PRUNE2: variants seen among roughly 807,000 people sequenced by gnomAD.
The protein encoded by PRUNE2 is protein prune homolog 2.
A neutral mutation model predicts 252.0 loss-of-function variants in PRUNE2; 164 were observed. The ratio of observed to expected loss-of-function variants is 0.65; its 90% confidence interval spans 0.57 to 0.74. PRUNE2 has a LOEUF of 0.74. Among genes scored for constraint, PRUNE2 ranks in the 30% least tolerant of loss-of-function variants. The pLI is 0.00. For synonymous variants in PRUNE2, 1,292 were observed against 1,350.2 expected, an observed-to-expected ratio of 0.96 and a Z score of 0.94; for missense variants, 3,495 against 3,711.0, an observed-to-expected ratio of 0.94 and a Z score of 1.51.
At chr9:76,890,683 T>C (rs1314994811) in intron 1 of PRUNE2, among the ~76,000 whole-genome samples, 2 of 152,136 alleles carry the variant, frequency 1.3e-5, no homozygotes, top group Non-Finnish European at 2.9e-5. Context: ...CCTCGGCATA[T>C]ACCGAAGCCT....
At chr9:76,847,964 G>A (rs1314489962) in intron 3 of PRUNE2, among the ~76,000 whole-genome samples, 1 of 151,928 alleles carries the variant, frequency 6.6e-6, no homozygotes, top group Non-Finnish European at 1.5e-5. Flanking sequence ...GTATTTGCTG[G>A]TTTCAAAAAG....
chr9:76,708,811 C>T lies in PRUNE2; in HGVS notation c.3463G>A (p.Gly1155Arg). The change falls in exon 8 of 19, where the codon GGA becomes AGA. Residue 1155 changes from glycine (G) to arginine (R), a missense_variant. Physicochemically the swap from Gly to Arg is moderately radical, Grantham distance 125. Coordinates refer to ENST00000376718, the MANE Select transcript of PRUNE2 (RefSeq NM_015225.3). ...AAIPSDGQTE[G>R]YMAEGSEPET... Reference sequence around the variant, plus strand: ...GGCTCGGAACCTTCAGCCATGTATCCTTCTGTTTGACCATCACTGGGGATT... The same window carrying T: ...GGCTCGGAACCTTCAGCCATGTATCTTTCTGTTTGACCATCACTGGGGATT... 5 of 1,613,888 alleles carry T rather than the reference C, an allele frequency of 3.1e-6. No individual in the cohort carries two copies. Among genetic ancestry groups the T allele is most frequent in the South Asian group, 1.1e-5 (1 of 91,076 alleles).
At chr9:76,704,141 T>C (rs1333438843) in intron 8 of PRUNE2, 42 bp from the exon 9 acceptor site, 2 of 1,368,560 alleles carry the variant, frequency 1.5e-6, no homozygotes, top group Non-Finnish European at 2.0e-6. Flanking sequence ...GAAAAAGGTT[T>C]AATTAACACA....
intron 4 of PRUNE2, among the ~76,000 whole-genome samples, chr9:76,837,872 C>G (rs576780193): frequency 6.6e-6 from 1 of 150,928 alleles, no homozygotes; most frequent in Admixed American, 6.6e-5. Flanking sequence ...CCTGGGTTCA[C>G]GCCATTCTCC....
rs375315668 is a variant in PRUNE2 at position 76,709,858 on chromosome 9, C to T, written c.2416G>A (p.Glu806Lys). Residue 806 changes from glutamate (E) to lysine (K), a missense_variant, in exon 8 of 19, where the codon GAA becomes AAA. Physicochemically the swap from Glu to Lys is moderately conservative, Grantham distance 56 (BLOSUM62 1). Coordinates refer to ENST00000376718, the MANE Select transcript of PRUNE2 (RefSeq NM_015225.3). ...PFPAWSAFGKEDHDEALKNTW... is the reference protein window; with the variant it reads ...PFPAWSAFGKKDHDEALKNTW... ...TTTTTTAAAGCTTCATCATGATCTTCTTTACCAAATGCACTCCAGGCTGGG... is the reference window on the plus strand; with the variant it reads ...TTTTTTAAAGCTTCATCATGATCTTTTTTACCAAATGCACTCCAGGCTGGG... 258 of 1,613,792 alleles carry T rather than the reference C, an allele frequency of 1.6e-4. 2 individuals carry two copies. The highest frequency in any genetic ancestry group is 1.2e-3 in the Middle Eastern group (7 of 6,084).
intron 1 of PRUNE2, among the ~76,000 whole-genome samples, chr9:76,902,359 C>G (rs1478025168): frequency 2.6e-5 from 4 of 152,142 alleles, no homozygotes; most frequent in African/African-American, 7.2e-5. Flanking sequence ...GAAAGCATGG[C>G]TAAAACTTAA....
chr9:76,843,499 A>C (rs1011703444), intron 4 of PRUNE2, among the ~76,000 whole-genome samples: 2 of 152,204 alleles, frequency 1.3e-5, no homozygotes, highest in African/African-American at 4.8e-5. Flanking sequence ...AATGTGCATC[A>C]AAGTGATGAT....
In PRUNE2 at chr9:76,647,996, A is replaced by G. The variant is rs1012680815; in HGVS notation, c.8558-3087T>C. Among the ~76,000 whole-genome samples the G allele has an allele frequency of 1.2e-4, 18 of 151,032 alleles. No homozygotes were observed. The Middle Eastern group carries it at 0.014, about 114-fold the overall frequency. ...ACAACAACAACAAAAACTCAACAAT[A>G]AGAAAATGGGCAAAAGACCTGGACA... On this transcript the variant is annotated intron_variant, in intron 11 of 18. Coordinates refer to ENST00000376718, the MANE Select transcript of PRUNE2 (RefSeq NM_015225.3).
chr9:76,722,320 T>C (rs887426048), intron 6 of PRUNE2, among the ~76,000 whole-genome samples: 3 of 151,618 alleles, frequency 2.0e-5, no homozygotes, highest in African/African-American at 7.3e-5. Flanking sequence ...TCCTCCTGTC[T>C]CAGCCTCCCA....
intron 9 of PRUNE2, among the ~76,000 whole-genome samples, chr9:76,684,292 A>G (rs2043827860): frequency 6.6e-6 from 1 of 152,026 alleles, no homozygotes; most frequent in South Asian, 2.1e-4. Context: ...TACATCTACG[A>G]GTCTGAGGCT....
At chr9:76,772,533 G>C (rs2053227425) in intron 6 of PRUNE2, among the ~76,000 whole-genome samples, 1 of 152,040 alleles carries the variant, frequency 6.6e-6, no homozygotes, top group African/African-American at 2.4e-5. Flanking sequence ...CCATGGACAA[G>C]GTTAACTGCA....
intron 6 of PRUNE2, among the ~76,000 whole-genome samples, chr9:76,822,993 C>A (rs998074244): frequency 3.9e-5 from 6 of 152,142 alleles, no homozygotes; most frequent in Non-Finnish European, 8.8e-5. Context: ...CACAAATGTG[C>A]CTCTGTAAAA....
chr9:76,630,700 A>AT (rs953695150), intron 15 of PRUNE2, among the ~76,000 whole-genome samples: 11 of 151,726 alleles, frequency 7.2e-5, no homozygotes, highest in African/African-American at 2.2e-4. Context: ...AATTTTTTGT[A>AT]TTTTTTTAGT....
At chr9:76,782,622 G>A (rs969022180) in intron 6 of PRUNE2, 2 of 152,198 alleles carry the variant, frequency 1.3e-5, no homozygotes, top group Non-Finnish European at 2.9e-5. Context: ...AAATTTTGGA[G>A]TTATAAGCGC....
At chr9:76,667,343 A>G (rs1588371616) in intron 9 of PRUNE2, among the ~76,000 whole-genome samples, 1 of 152,240 alleles carries the variant, frequency 6.6e-6, no homozygotes, top group South Asian at 2.1e-4. Context: ...ATTGGAGACA[A>G]TCTTCAATGC....
chr9:76,718,760 AT>A (rs1229390431), intron 6 of PRUNE2, among the ~76,000 whole-genome samples: 2 of 152,248 alleles, frequency 1.3e-5, no homozygotes, highest in East Asian at 3.9e-4. Flanking sequence ...CAGAATCTAC[AT>A]GCACATGAGA....
intron 6 of PRUNE2, among the ~76,000 whole-genome samples, chr9:76,756,517 C>A (rs546465950): frequency 1.3e-5 from 2 of 152,366 alleles, no homozygotes; most frequent in South Asian, 2.1e-4. Context: ...TCCATCCTAA[C>A]ATTTGAATGC....
chr9:76,779,066 A>T (rs1487171844), intron 6 of PRUNE2: 1 of 152,236 alleles, frequency 6.6e-6, no homozygotes, highest in Non-Finnish European at 1.5e-5. Context: ...CTTTGAAGAT[A>T]CTATGTTATG....
intron 14 of PRUNE2, among the ~76,000 whole-genome samples, chr9:76,636,984 T>TGTGTGTGG (rs1840412567): frequency 6.9e-6 from 1 of 145,074 alleles, no homozygotes; most frequent in Non-Finnish European, 1.5e-5. Flanking sequence ...TGTGTGTGTG[T>TGTGTGTGG]GTGTGTGTGT....
Sources: allele counts gnomAD v4.1 joint callset (sites outside exome capture counted in the v4.1 genomes callset), GRCh38; gene constraint gnomAD v4.1.1; transcripts MANE v1.5; gene names NCBI Gene and HGNC (gene_info 2026-07-23, HGNC 2026-07-21).